Variants in ANO3 observed in about 807,000 individuals in gnomAD.
ANO3 encodes the protein anoctamin 3.
Under a neutral mutation model 144.8 loss-of-function variants are expected in ANO3, and 99 were observed. The ratio of observed to expected loss-of-function variants is 0.68; its 90% CI spans 0.58 to 0.81. The LOEUF (loss-of-function observed/expected upper bound fraction) is 0.81. Among genes scored for constraint, ANO3 ranks in the 30% least tolerant of loss-of-function variants. The pLI is 0.00. For missense variants in ANO3, 905 were observed against 1,202.2 expected, an observed-to-expected ratio of 0.75 and a Z score of 3.66; for synonymous variants, 414 against 392.6, an observed-to-expected ratio of 1.05 and a Z score of -0.64.
intron 1 of ANO3, among the ~76,000 whole-genome samples, chr11:26,233,166 G>A (rs1402289631): frequency 4.6e-5 from 7 of 150,552 alleles, no homozygotes; most frequent in Admixed American, 1.3e-4. Context: ...GCAGTGAGCC[G>A]AGATTGCGCC....
chr11:26,254,207 T>C (rs1454415598), intron 1 of ANO3, among the ~76,000 whole-genome samples: 1 of 152,160 alleles, frequency 6.6e-6, no homozygotes, highest in Non-Finnish European at 1.5e-5. Flanking sequence ...GGTCAAATTG[T>C]GCACTAAAGT....
At chr11:26,578,824 C>T (rs293983) in intron 14 of ANO3, among the ~76,000 whole-genome samples, 39,397 of 152,024 alleles carry the variant, frequency 0.26, 5,549 homozygotes, top group Admixed American at 0.34. Context: ...TTCTTTCCAG[C>T]ACTCAAGTGA....
At chr11:26,300,295 C>A (rs1028259367) in intron 1 of ANO3, among the ~76,000 whole-genome samples, 1 of 151,948 alleles carries the variant, frequency 6.6e-6, no homozygotes, top group Non-Finnish European at 1.5e-5. Flanking sequence ...CTTTTAAAAG[C>A]AAGTTGTTTT....
chr11:26,306,905 T>G (rs1854397209), upstream of ANO3, among the ~76,000 whole-genome samples: 1 of 152,222 alleles, frequency 6.6e-6, no homozygotes, highest in South Asian at 2.1e-4. Flanking sequence ...TTTGTAATGT[T>G]ACCCATATAT....
chr11:26,203,806 G>T (rs1263610251), intron 1 of ANO3, among the ~76,000 whole-genome samples: 1 of 152,004 alleles, frequency 6.6e-6, no homozygotes, highest in Non-Finnish European at 1.5e-5. Flanking sequence ...GTATATTTTG[G>T]AGTGGCACAG....
intron 1 of ANO3, among the ~76,000 whole-genome samples, chr11:26,232,575 T>G (rs35048085): frequency 0.38 from 57,641 of 151,618 alleles, 11,582 homozygotes; most frequent in Non-Finnish European, 0.44. Context: ...AAACTGGCTA[T>G]CCATATGCCA....
chr11:26,435,246 C>T (rs1236081485), intron 1 of ANO3, among the ~76,000 whole-genome samples: 1 of 152,110 alleles, frequency 6.6e-6, no homozygotes, highest in Admixed American at 6.6e-5. Flanking sequence ...TGAATACAGG[C>T]CCCAATCTCT....
intron 3 of ANO3, among the ~76,000 whole-genome samples, chr11:26,453,465 G>A (rs1590373194): frequency 6.6e-6 from 1 of 152,100 alleles, no homozygotes; most frequent in South Asian, 2.1e-4. Context: ...AACCAACAAA[G>A]ATCAAAAGAG....
At chr11:26,605,057 T>A (rs1313009622) in intron 17 of ANO3, among the ~76,000 whole-genome samples, 2 of 152,214 alleles carry the variant, frequency 1.3e-5, no homozygotes, top group Non-Finnish European at 2.9e-5. Flanking sequence ...GGGTTTTTCA[T>A]AAGTAGCTCT....
At chr11:26,452,370 C>T (rs1315310331) in intron 3 of ANO3, among the ~76,000 whole-genome samples, 1 of 152,060 alleles carries the variant, frequency 6.6e-6, no homozygotes, top group Non-Finnish European at 1.5e-5. Context: ...ATAACCAATA[C>T]AGAGAAGTGC....
At chr11:26,426,918 C>T (rs1857937187) in intron 1 of ANO3, 1 of 152,286 alleles carries the variant, frequency 6.6e-6, no homozygotes, top group African/African-American at 2.4e-5. Context: ...AGTGGCTACA[C>T]TCACACTTTA....
intron 10 of ANO3, 115 bp downstream of exon 10, chr11:26,537,576 T>C (rs1849543599): frequency 1.3e-5 from 11 of 871,036 alleles, no homozygotes; most frequent in Non-Finnish European, 1.8e-5. Context: ...AGTCTGCAAG[T>C]AGCCATGGGC....
chr11:26,551,320 G>A (rs1565097953), intron 12 of ANO3, among the ~76,000 whole-genome samples: 2 of 151,970 alleles, frequency 1.3e-5, no homozygotes. Flanking sequence ...CAATTTGAGT[G>A]GTTGTTTGGA....
intron 9 of ANO3, 90 bp from the exon 10 acceptor site, chr11:26,537,316 C>A: frequency 9.6e-7 from 1 of 1,045,564 alleles, no homozygotes; most frequent in Non-Finnish European, 1.5e-6. Flanking sequence ...ACTTTTTAAT[C>A]GATTCATTGT....
intron 1 of ANO3, among the ~76,000 whole-genome samples, chr11:26,209,309 G>C (rs1433532208): frequency 6.6e-6 from 1 of 152,172 alleles, no homozygotes; most frequent in African/African-American, 2.4e-5. Context: ...CCATGTGCCT[G>C]CAAAAGACAT....
intron 1 of ANO3, among the ~76,000 whole-genome samples, chr11:26,321,556 G>A (rs1444019013): frequency 2.0e-5 from 3 of 151,864 alleles, no homozygotes; most frequent in Non-Finnish European, 4.4e-5. Context: ...AATAAAACAA[G>A]TTCTATAAGC....
intron 3 of ANO3, among the ~76,000 whole-genome samples, chr11:26,449,472 GTC>G (rs144315408): frequency 1.4e-3 from 191 of 140,456 alleles, no homozygotes; most frequent in African/African-American, 4.0e-3. Context: ...CTGTCTGTCT[GTC>G]TCTCTCTCTC....
At chr11:26,430,145 C>T (rs1200091000) in intron 1 of ANO3, among the ~76,000 whole-genome samples, 1 of 151,434 alleles carries the variant, frequency 6.6e-6, no homozygotes, top group Admixed American at 6.6e-5. Flanking sequence ...ACTGTAATCC[C>T]AGCTACTCGA....
At chr11:26,563,085 GC>G in intron 14 of ANO3, 1 of 1,606,982 alleles carries the variant, frequency 6.2e-7, no homozygotes, top group Non-Finnish European at 8.5e-7. Context: ...AAACCACTGT[GC>G]CCAGGTGAAG....
Sources: allele counts gnomAD v4.1 joint callset (sites outside exome capture counted in the v4.1 genomes callset), GRCh38; gene constraint gnomAD v4.1.1; transcripts MANE v1.5; gene names NCBI Gene and HGNC (gene_info 2026-07-23, HGNC 2026-07-21).